Variants in ANPEP observed in about 807,000 individuals in gnomAD.
ANPEP encodes the protein alanyl aminopeptidase, membrane.
Under a neutral mutation model 114.6 loss-of-function variants are expected in ANPEP, and 70 were observed. That is an observed-to-expected ratio of 0.61 (90% CI 0.50 to 0.75). The LOEUF (loss-of-function observed/expected upper bound fraction) is 0.75, where lower values mean the gene tolerates loss of function less well. Among genes scored for constraint, ANPEP ranks in the 30% least tolerant of loss-of-function variants. ANPEP has a pLI of 0.00. For missense variants in ANPEP, 1,184 were observed against 1,259.5 expected, an observed-to-expected ratio of 0.94 and a Z score of 0.91; for synonymous variants, 548 against 522.3, an observed-to-expected ratio of 1.05 and a Z score of -0.67.
At chr15:89,787,893 T>C (rs1968536269) in intron 20 of ANPEP, among the ~76,000 whole-genome samples, 1 of 152,214 alleles carries the variant, frequency 6.6e-6, no homozygotes, top group Admixed American at 6.5e-5. Context: ...ATCATGTCAT[T>C]CATTACTCAT....
At chr15:89,791,796 G>A (rs1179313808) in intron 18 of ANPEP, among the ~76,000 whole-genome samples, 3 of 152,002 alleles carry the variant, frequency 2.0e-5, no homozygotes, top group Non-Finnish European at 4.4e-5. Flanking sequence ...TGGCATATGA[G>A]GCACATGGTG....
At chr15:89,805,647 G>A (rs946150110) in intron 2 of ANPEP, among the ~76,000 whole-genome samples, 184 bp from the exon 3 acceptor site, 3 of 152,214 alleles carry the variant, frequency 2.0e-5, no homozygotes, top group Non-Finnish European at 4.4e-5. Flanking sequence ...TGACTCGTGG[G>A]GGTTGGGGCT....
chr15:89,791,210 C>G, intron 18 of ANPEP, 117 bp from the exon 19 acceptor site: 1 of 1,241,512 alleles, frequency 8.1e-7, no homozygotes, highest in South Asian at 1.5e-5. Context: ...CTCGGCCTGC[C>G]AGGGGCTGAG....
At chr15:89,790,335 T>G (rs1213115943) in intron 20 of ANPEP, 125 bp downstream of exon 20, 1 of 769,938 alleles carries the variant, frequency 1.3e-6, no homozygotes, top group South Asian at 1.6e-5. Flanking sequence ...GCTTCCTCTG[T>G]AAATGAGGAA....
chr15:89,806,819 AAC>A lies in ANPEP; in HGVS notation c.-223-15_-223-14del. ...GCTCGGGGGGTGCCTGCTGGAAGCA[AAC>A]AGTGTCTGGTTACAGGCTGCAGGCG... is the stretch of plus-strand genomic sequence containing the variant. On this transcript the variant is annotated splice_polypyrimidine_tract_variant and intron_variant, in intron 1 of 20. Coordinates refer to ENST00000300060, the MANE Select transcript of ANPEP (RefSeq NM_001150.3). The surrounding 1 kb of genome is among the most constrained non-coding windows in gnomAD (Gnocchi z 5.7). 1.7e-6 allele frequency: 1 copy of A among 588,864 alleles called. No individual in the cohort carries two copies. The highest frequency in any genetic ancestry group is 1.8e-5 in the African/African-American group (1 of 54,064). 36.5% of individuals were successfully genotyped at this position (588,864 alleles called of 1,614,324 possible). A position where few individuals can be genotyped will look rare whatever the true frequency, so the allele number is the denominator to read the frequency against.
Position 89,799,446 on chromosome 15 carries a change from G to A in ANPEP, c.1933C>T (p.Gln645Ter). The part of the protein sequence containing the change: ...DEENWRKIQT[Q>*]LQRDHSAIPV... ...CTCACCGAGTGGTCTCTCTGCAGCT[G>A]AGTCTGAATCTTCCTCCAGTTCTCT... is the stretch of plus-strand genomic sequence containing the variant. The change falls in exon 13 of 21, where the codon CAG (glutamine) becomes TAG (stop). Residue 645 changes from glutamine (Q) to a stop codon, truncating the protein, a stop_gained. Coordinates refer to ENST00000300060, the MANE Select transcript of ANPEP (RefSeq NM_001150.3). LOFTEE classifies it high-confidence loss of function. This position sits in a 1 kb window ranked among gnomAD's most constrained non-coding sequence, Gnocchi z 4.2. 1 of 1,614,198 alleles carries A rather than the reference G, an allele frequency of 6.2e-7. No individual in the cohort carries two copies. Among genetic ancestry groups the A allele is most frequent in the Non-Finnish European group, 8.5e-7 (1 of 1,180,040 alleles).
Position 89,791,710 on chromosome 15 carries a change from T to C in ANPEP, c.2528+450A>G. Among the ~76,000 whole-genome samples, 2 of 151,778 alleles carry C rather than the reference T, an allele frequency of 1.3e-5. 1 individual carries two copies. Among genetic ancestry groups the C allele is most frequent in the Admixed American group, 1.3e-4 (2 of 15,226 alleles). ...TCAGGTGATCCATCCACCTCAGTCT[T>C]CCAAAGTGCTGGGATTACAGGTATG... On this transcript the variant is annotated intron_variant, in intron 18 of 20. Coordinates refer to ENST00000300060, the MANE Select transcript of ANPEP (RefSeq NM_001150.3).
chr15:89,813,907 G>C (rs1165080025), intron 1 of ANPEP, among the ~76,000 whole-genome samples: 2 of 152,098 alleles, frequency 1.3e-5, no homozygotes, highest in African/African-American at 2.4e-5. Context: ...TGCAGTCCAG[G>C]GGCTGAGGTG....
chr15:89,797,478 C>A, intron 15 of ANPEP, 97 bp downstream of exon 15: 2 of 1,444,660 alleles, frequency 1.4e-6, no homozygotes, highest in East Asian at 2.5e-5. Context: ...GTTCCCTGAC[C>A]AGGAGTCCAG....
At chr15:89,798,217 G>A (rs538708031) in intron 14 of ANPEP, among the ~76,000 whole-genome samples, 6 of 152,312 alleles carry the variant, frequency 3.9e-5, no homozygotes, top group Non-Finnish European at 5.9e-5. Context: ...AGAGCTTAGA[G>A]TACCTCACCC....
intron 20 of ANPEP, among the ~76,000 whole-genome samples, chr15:89,788,914 C>A (rs1032125413): frequency 6.6e-6 from 1 of 151,990 alleles, no homozygotes; most frequent in African/African-American, 2.4e-5. Flanking sequence ...AGCACCCCAC[C>A]CACCCTACCT....
chr15:89,810,580 GAA>G (rs540401836), intron 1 of ANPEP, among the ~76,000 whole-genome samples: 3 of 129,630 alleles, frequency 2.3e-5, no homozygotes, highest in African/African-American at 2.8e-5. Context: ...TTTCAAAAAA[GAA>G]AAAAAAAAAA....
At chr15:89,785,785 G>T (rs887884440) in intron 20 of ANPEP, among the ~76,000 whole-genome samples, 2 of 152,136 alleles carry the variant, frequency 1.3e-5, no homozygotes, top group African/African-American at 4.8e-5. Context: ...AGTAGAGAGG[G>T]GCTAATGAAG....
rs1388290121 is a variant in ANPEP, at chr15:89,804,706, G to A, written c.898-89C>T. The A allele has an allele frequency of 7.9e-6, 12 of 1,525,180 alleles. 1 individual carries two copies. The highest frequency in any genetic ancestry group is 7.1e-6 in the Non-Finnish European group (8 of 1,130,118). The allele number at this position is 1,525,180 out of a possible 1,614,324, so 94.5% of individuals were successfully genotyped here. A position where few individuals can be genotyped will look rare whatever the true frequency, so the allele number is the denominator to read the frequency against. ...GTCCCAGGGCCCAGTGGGCTGGGGG[G>A]ATCCCTGATGGGCCAGGGCTGGAGG... On this transcript the variant is annotated intron_variant, in intron 4 of 20. Transcript: ENST00000300060.
Position 89,790,433 on chromosome 15 carries a change from G to A in ANPEP, c.2751+27C>T, listed in dbSNP as rs187084546. 1.6e-4 allele frequency: 264 copies of A among 1,604,720 alleles called. 1 individual carries two copies. In the African/African-American group the frequency reaches 3.1e-3, roughly 19 times the overall value. On this transcript the variant is annotated intron_variant, in intron 20 of 20. Transcript: ENST00000300060. ...TTGGCCTGGGAAGGAAGTAGGCAGA[G>A]CCCAGGTCTGGGGAATGACTTCTTA...
Position 89,801,697 on chromosome 15 carries a change from C to CG in ANPEP, c.1570-91dup, listed in dbSNP as rs1223966570. On this transcript the variant is annotated intron_variant, in intron 10 of 20. Transcript: ENST00000300060. ...CTCCTGCAGATTCTCGCCTCGACCC[C>CG]GGGGGGCCACTTGTATGGGAGGCCT... The CG allele has an allele frequency of 6.8e-6, 10 of 1,460,602 alleles. No individual in the cohort carries two copies. In the East Asian group the frequency reaches 7.2e-5, roughly 10 times the overall value. 90.5% of individuals were successfully genotyped at this position (1,460,602 alleles called of 1,614,324 possible).
chr15:89,792,245 G>T lies in ANPEP; in HGVS notation c.2443C>A (p.Gln815Lys), dbSNP rs753742759. 6.2e-7 allele frequency: 1 copy of T among 1,614,218 alleles called. No individual in the cohort carries two copies. Among genetic ancestry groups the T allele is most frequent in the South Asian group, 1.1e-5 (1 of 91,090 alleles). The change falls in exon 18 of 21, where the codon CAG becomes AAG. Residue 815 changes from glutamine (Q) to lysine (K), a missense_variant. Transcript: ENST00000300060. ...GEEEWDFAWE[Q>K]FRNATLVNEA... ...TTGACCAGTGTGGCATTTCGGAACT[G>T]CTCCCAGGCGAAGTCCCACTCCTCC...
At position 89,801,624 on chromosome 15, in the gene ANPEP, A is replaced by AG. The variant is rs1418366590; in HGVS notation, c.1570-18dup. On this transcript the variant is annotated splice_polypyrimidine_tract_variant and intron_variant, in intron 10 of 20. Coordinates refer to ENST00000300060, the MANE Select transcript of ANPEP (RefSeq NM_001150.3). Reference sequence around the variant, plus strand: ...GTTCACAGCCTGTGGGTGGAGCGAGAGGGCGTGGCCATCAGTGGGACCCTC... The same window carrying AG: ...GTTCACAGCCTGTGGGTGGAGCGAGAGGGGCGTGGCCATCAGTGGGACCCTC... 6.2e-7 allele frequency: 1 copy of AG among 1,610,312 alleles called. No individual in the cohort carries two copies. Among genetic ancestry groups the AG allele is most frequent in the Admixed American group, 1.7e-5 (1 of 59,894 alleles).
In ANPEP at chr15:89,785,364, T is replaced by C. The variant is rs1489902725; in HGVS notation, c.2889A>G (p.Thr963=). The C allele has an allele frequency of 6.2e-7, 1 of 1,614,238 alleles. No homozygotes were observed. The highest frequency in any genetic ancestry group is 2.2e-5 in the East Asian group (1 of 44,890). The change falls in exon 21 of 21, where the codon ACA becomes ACG. Residue 963 remains threonine, a synonymous_variant. Transcript: ENST00000300060. The stretch of plus-strand genomic sequence containing the variant: ...GGGCTGGGGACTATTTGCTGTTTTC[T>C]GTGAACCACTGGAGCACCACCTCCT... ...ENKEVVLQWF[T]ENSK
Sources: gnomAD v4.1 joint callset for allele counts (sites outside exome capture counted in the v4.1 genomes callset) on GRCh38, gnomAD v4.1.1 for gene constraint, Gnocchi (gnomAD v3.1) non-coding constraint, MANE v1.5 for transcripts, NCBI Gene and HGNC (gene_info 2026-07-23, HGNC 2026-07-21) for gene names.